RETSAT: variants seen among roughly 807,000 people sequenced by gnomAD.
RETSAT encodes the protein retinol saturase.
Under a neutral mutation model 61.6 loss-of-function variants are expected in RETSAT, and 35 were observed. The ratio of observed to expected loss-of-function variants is 0.57; its 90% CI spans 0.43 to 0.75. The LOEUF (loss-of-function observed/expected upper bound fraction) is 0.75. RETSAT is among the 30% of genes least tolerant of loss of function. The probability of loss-of-function intolerance (pLI) is 0.00; values close to 1 mark genes in which losing one functional copy is unlikely to be tolerated. For missense variants in RETSAT, 670 were observed against 759.5 expected, an observed-to-expected ratio of 0.88 and a Z score of 1.38; for synonymous variants, 277 against 310.4, an observed-to-expected ratio of 0.89 and a Z score of 1.13.
In RETSAT at chr2:85,350,786, C is replaced by T. The variant is rs1282143737; in HGVS notation, c.591G>A (p.Leu197=). Reference sequence around the variant, plus strand: ...CTCAGCATGTCCATGTTACCTTAACCAGCTTTATATACTTGTCAATGATAG... The same window carrying T: ...CTCAGCATGTCCATGTTACCTTAACTAGCTTTATATACTTGTCAATGATAG... The part of the protein sequence containing the change: ...EEAIIDKYIK[L]VKVVSSGAPH... Residue 197 remains leucine (L), a synonymous_variant, in exon 3 of 11, where the codon CTG becomes CTA. Coordinates refer to ENST00000295802, the MANE Select transcript of RETSAT (RefSeq NM_017750.4). 6.2e-7 allele frequency: 1 copy of T among 1,614,174 alleles called. No individual in the cohort carries two copies. The highest frequency in any genetic ancestry group is 1.6e-4 in the Middle Eastern group (1 of 6,062).
At chr2:85,351,167 G>T in intron 2 of RETSAT, 146 bp from the exon 3 acceptor site, 2 of 958,782 alleles carry the variant, frequency 2.1e-6, no homozygotes, top group Non-Finnish European at 3.1e-6. Flanking sequence ...GTAGGGAGGT[G>T]TCACAGCAGA....
At chr2:85,351,049 T>C (rs920606403) in intron 2 of RETSAT, 28 bp from the exon 3 acceptor site, 2 of 1,612,988 alleles carry the variant, frequency 1.2e-6, no homozygotes, top group Non-Finnish European at 1.7e-6. Context: ...AACAAGGTAG[T>C]AAAGGGATAT....
At position 85,342,350 on chromosome 2, in the gene RETSAT, C is replaced by T. The variant is rs76761763; in HGVS notation, c.*892G>A. 39 of 158,128 alleles carry T rather than the reference C, an allele frequency of 2.5e-4. 1 individual carries two copies. In the East Asian group the frequency reaches 7.3e-3, roughly 29 times the overall value. 9.8% of individuals were successfully genotyped at this position (158,128 alleles called of 1,614,324 possible). A position where few individuals can be genotyped will look rare whatever the true frequency, so the allele number is the denominator to read the frequency against. ...TTACCCCACACCTCCCTGCACTGTC[C>T]CCTGCTGTGCCCTTGGCTGGAATGC... On this transcript the variant is annotated 3_prime_UTR_variant, in exon 11 of 11. Transcript: ENST00000295802.
intron 5 of RETSAT, among the ~76,000 whole-genome samples, chr2:85,346,346 A>G (rs1489552367): frequency 6.6e-6 from 1 of 152,152 alleles, no homozygotes; most frequent in African/African-American, 2.4e-5. Flanking sequence ...GTATGTTTGT[A>G]TGTACTCTGT....
chr2:85,350,268 C>T, intron 3 of RETSAT, 27 bp from the exon 4 acceptor site: 1 of 1,576,220 alleles, frequency 6.3e-7, no homozygotes, highest in Non-Finnish European at 8.7e-7. Flanking sequence ...GGACAGCAGG[C>T]CTCACCTCTA....
rs199847503 is a variant in RETSAT at position 85,344,583 on chromosome 2, G to A, written c.1256+11C>T. The A allele has an allele frequency of 1.4e-5, 23 of 1,613,728 alleles. No individual in the cohort carries two copies. Among genetic ancestry groups the A allele is most frequent in the African/African-American group, 9.3e-5 (7 of 74,896 alleles). ...ACGGGCCACACACATACACACACAC[G>A]TGCACCTTACGCCTGGTCCATGTCC... On this transcript the variant is annotated intron_variant, in intron 7 of 10. Transcript: ENST00000295802.
chr2:85,349,027 A>G (rs150186091), intron 5 of RETSAT, among the ~76,000 whole-genome samples: 4,986 of 148,076 alleles, frequency 0.034, 220 homozygotes, highest in African/African-American at 0.1. Context: ...GGGATTACAG[A>G]CGTGAGCCAC....
At position 85,344,689 on chromosome 2, in the gene RETSAT, C is replaced by G. The variant is rs968451006; in HGVS notation, c.1161G>C (p.Met387Ile). The G allele has an allele frequency of 6.8e-6, 11 of 1,614,074 alleles. No homozygotes were observed. The highest frequency in any genetic ancestry group is 9.3e-6 in the Non-Finnish European group (11 of 1,180,040). ...QLGTVRPGLG[M>I]TSVFICLRGT... Reference sequence around the variant, plus strand: ...CTCGCAGGCAGATGAAAACAGAGGTCATGCCTAAGCCGGGCCGCACCGTCC... The same window carrying G: ...CTCGCAGGCAGATGAAAACAGAGGTGATGCCTAAGCCGGGCCGCACCGTCC... The change falls in exon 7 of 11, where the codon ATG becomes ATC. Residue 387 changes from methionine (M) to isoleucine (I), a missense_variant. Coordinates refer to ENST00000295802, the MANE Select transcript of RETSAT (RefSeq NM_017750.4).
At position 85,351,878 on chromosome 2, in the gene RETSAT, CA is replaced by C. The variant is rs1412979375; in HGVS notation, c.173-17del. The C allele has an allele frequency of 6.2e-7, 1 of 1,609,360 alleles. No homozygotes were observed. Among genetic ancestry groups the C allele is most frequent in the South Asian group, 1.1e-5 (1 of 90,766 alleles). ...GCTGAAAAAGCTACAGCAGAAGGGC[CA>C]AAGGGTGGGTTTCTCAGGCAGGGGC... is the stretch of plus-strand genomic sequence containing the variant. On this transcript the variant is annotated splice_polypyrimidine_tract_variant and intron_variant, in intron 1 of 10. Coordinates refer to ENST00000295802, the MANE Select transcript of RETSAT (RefSeq NM_017750.4).
chr2:85,343,215 A>C lies in RETSAT; in HGVS notation c.*27T>G, dbSNP rs1219445516. 1 of 1,611,148 alleles carries C rather than the reference A, an allele frequency of 6.2e-7. No individual in the cohort carries two copies. Among genetic ancestry groups the C allele is most frequent in the South Asian group, 1.1e-5 (1 of 90,834 alleles). On this transcript the variant is annotated 3_prime_UTR_variant, in exon 11 of 11. Coordinates refer to ENST00000295802, the MANE Select transcript of RETSAT (RefSeq NM_017750.4). ...AGGGAGATGCCCCAGCCATTGGGCAAATTCCTCTGACTCCTCCCTGATGGA... is the reference window on the plus strand; with the variant it reads ...AGGGAGATGCCCCAGCCATTGGGCACATTCCTCTGACTCCTCCCTGATGGA...
At chr2:85,347,172 T>C (rs1005315870) in intron 5 of RETSAT, among the ~76,000 whole-genome samples, 4 of 152,050 alleles carry the variant, frequency 2.6e-5, no homozygotes, top group African/African-American at 9.7e-5. Context: ...CTTCCCCTGT[T>C]CCACCGTGCT....
At chr2:85,350,356 T>G (rs1012232110) in intron 3 of RETSAT, 115 bp from the exon 4 acceptor site, 2 of 735,194 alleles carry the variant, frequency 2.7e-6, no homozygotes, top group Admixed American at 2.6e-5. Flanking sequence ...CTGACTGAAC[T>G]TTGCTGAATT....
In RETSAT at chr2:85,349,528, A is replaced by C. The variant is rs758605600; in HGVS notation, c.853T>G (p.Tyr285Asp). ...CGGGGATAAAAGCCTCCTTTCATGT[A>C]GTGGTTGACCAGCAGGGCGTGCATG... ...FSMHALLVNH[Y>D]MKGGFYPRGG... Residue 285 changes from tyrosine (Y) to aspartate (D), a missense_variant, in exon 5 of 11, where the codon TAC (tyrosine) becomes GAC (aspartate). Physicochemically the swap from Tyr to Asp is radical, Grantham distance 160. Transcript: ENST00000295802. The C allele has an allele frequency of 6.2e-7, 1 of 1,614,146 alleles. No individual in the cohort carries two copies.
At position 85,344,239 on chromosome 2, in the gene RETSAT, C is replaced by G. The variant is rs773596771; in HGVS notation, c.1366G>C (p.Gly456Arg). ...CCTCACCCGGGACGTGCAGCCCCAC[C>G]TGGGAATCGGTCCTCCCAGGTCGGA... is the stretch of plus-strand genomic sequence containing the variant. Reference protein sequence around the residue: ...KDPTWEDRFPGRSTMIMLIPT... With the variant: ...KDPTWEDRFPRRSTMIMLIPT... The change falls in exon 8 of 11, where the codon GGC becomes CGC. Residue 456 changes from glycine to arginine, a missense_variant and splice_region_variant. Coordinates refer to ENST00000295802, the MANE Select transcript of RETSAT (RefSeq NM_017750.4). 3.0e-5 allele frequency: 49 copies of G among 1,613,932 alleles called. No homozygotes were observed. Among genetic ancestry groups the G allele is most frequent in the Non-Finnish European group, 3.6e-5 (42 of 1,179,984 alleles).
At chr2:85,348,908 G>T (rs1181267426) in intron 5 of RETSAT, among the ~76,000 whole-genome samples, 1 of 151,586 alleles carries the variant, frequency 6.6e-6, no homozygotes, top group Non-Finnish European at 1.5e-5. Context: ...GTGCCACCAT[G>T]CCCAGCTAAT....
rs1171895101 is a variant in RETSAT at position 85,342,103 on chromosome 2, C to T, written c.*1139G>A. 1.5e-5 allele frequency: 5 copies of T among 342,514 alleles called. No individual in the cohort carries two copies. Among genetic ancestry groups the T allele is most frequent in the African/African-American group, 1.1e-4 (5 of 47,008 alleles). 21.2% of individuals were successfully genotyped at this position (342,514 alleles called of 1,614,324 possible). A position where few individuals can be genotyped will look rare whatever the true frequency, so the allele number is the denominator to read the frequency against. On this transcript the variant is annotated 3_prime_UTR_variant, in exon 11 of 11. Transcript: ENST00000295802. ...CCAAAATAAATTTCAAATGTTAAAGCAATGGAATCAATAAATTTATTAATG... is the reference window on the plus strand; with the variant it reads ...CCAAAATAAATTTCAAATGTTAAAGTAATGGAATCAATAAATTTATTAATG...
At chr2:85,347,134 C>G (rs1683214973) in intron 5 of RETSAT, among the ~76,000 whole-genome samples, 1 of 152,128 alleles carries the variant, frequency 6.6e-6, no homozygotes, top group Admixed American at 6.6e-5. Context: ...CTTTATTACT[C>G]AGCTCCAACA....
chr2:85,351,974 G>C, intron 1 of RETSAT, 112 bp from the exon 2 acceptor site: 1 of 991,364 alleles, frequency 1.0e-6, no homozygotes, highest in Non-Finnish European at 1.5e-6. Context: ...AACCTCTAGA[G>C]TGGTTTGGCA....
intron 1 of RETSAT, among the ~76,000 whole-genome samples, chr2:85,352,916 G>GGGTACTTCCGACACAAGATCT (rs1270492003): frequency 1.3e-5 from 2 of 152,150 alleles, no homozygotes; most frequent in Non-Finnish European, 2.9e-5. Context: ...GGTGCTATAT[G>GGGTACTTCCGACACAAGATCT]GGTACTTCCG....
Sources: gnomAD v4.1 joint callset for allele counts (sites outside exome capture counted in the v4.1 genomes callset) on GRCh38, gnomAD v4.1.1 for gene constraint, MANE v1.5 for transcripts, NCBI Gene and HGNC (gene_info 2026-07-23, HGNC 2026-07-21) for gene names.